Variants in SP100 observed in about 807,000 individuals in gnomAD.
The protein encoded by SP100 is nuclear autoantigen Sp-100.
SP100 carries 84 observed loss-of-function variants against 130.0 expected under a neutral mutation model. The observed-to-expected ratio is 0.65, with a 90% CI of 0.54 to 0.77. SP100 has a LOEUF of 0.77. SP100 is among the 30% of genes least tolerant of loss of function. The pLI is 0.00. For synonymous variants in SP100, 331 were observed against 351.7 expected, an observed-to-expected ratio of 0.94 and a Z score of 0.66; for missense variants, 978 against 1,052.2, an observed-to-expected ratio of 0.93 and a Z score of 0.97.
intron 2 of SP100, among the ~76,000 whole-genome samples, chr2:230,419,006 T>C (rs905999341): frequency 6.6e-6 from 1 of 152,222 alleles, no homozygotes; most frequent in Middle Eastern, 3.2e-3. Context: ...TGGACATCTT[T>C]ACATTCACGA....
chr2:230,465,745 G>A (rs2064911088), intron 11 of SP100, among the ~76,000 whole-genome samples: 1 of 152,060 alleles, frequency 6.6e-6, no homozygotes, highest in South Asian at 2.1e-4. Flanking sequence ...ACCTAAAATA[G>A]AAGTTGAAAA....
intron 24 of SP100, among the ~76,000 whole-genome samples, chr2:230,524,179 C>CAAAAAAAAAAAAAAAAAAA (rs71420292): frequency 1.3e-5 from 1 of 75,420 alleles, no homozygotes; most frequent in African/African-American, 5.4e-5. Context: ...ACTAAAAATA[C>CAAAAAAAAAAAAAAAAAAA]AAAAAAAAAA....
At chr2:230,474,469 C>G (rs540499862) in intron 17 of SP100, 22 bp downstream of exon 17, 3 of 1,134,150 alleles carry the variant, frequency 2.6e-6, no homozygotes, top group East Asian at 4.8e-5. Flanking sequence ...TAAGAATTTA[C>G]TTAATTTTTA....
chr2:230,533,349 C>T (rs970040793), intron 24 of SP100, among the ~76,000 whole-genome samples: 8 of 152,080 alleles, frequency 5.3e-5, no homozygotes, highest in South Asian at 2.1e-4. Context: ...TAGATATATG[C>T]GAGGAGTAAC....
At chr2:230,419,110 T>C (rs1266811932) in intron 2 of SP100, among the ~76,000 whole-genome samples, 1 of 152,256 alleles carries the variant, frequency 6.6e-6, no homozygotes, top group Non-Finnish European at 1.5e-5. Context: ...GTTTTGCCCT[T>C]CTGCTAGATT....
At chr2:230,473,619 C>T (rs1008794865) in intron 16 of SP100, among the ~76,000 whole-genome samples, 179 bp downstream of exon 16, 2 of 152,178 alleles carry the variant, frequency 1.3e-5, no homozygotes, top group African/African-American at 4.8e-5. Flanking sequence ...ATCATAGTCC[C>T]GGTTTCCTGC....
chr2:230,443,443 A>T (rs1233362213), intron 3 of SP100, among the ~76,000 whole-genome samples: 2 of 152,216 alleles, frequency 1.3e-5, no homozygotes, highest in African/African-American at 4.8e-5. Flanking sequence ...ACTAAAACTT[A>T]AAAATAATTT....
At chr2:230,525,797 G>A (rs1174761233) in intron 24 of SP100, among the ~76,000 whole-genome samples, 1 of 152,250 alleles carries the variant, frequency 6.6e-6, no homozygotes, top group Non-Finnish European at 1.5e-5. Context: ...CTCACTGCTA[G>A]CACATCAATC....
intron 17 of SP100, among the ~76,000 whole-genome samples, chr2:230,480,707 C>T (rs1227331087): frequency 6.6e-6 from 1 of 152,194 alleles, no homozygotes; most frequent in Non-Finnish European, 1.5e-5. Flanking sequence ...CTGAAAAGAT[C>T]TGTTTCCAAA....
chr2:230,525,838 G>C (rs186985038), intron 24 of SP100, among the ~76,000 whole-genome samples: 23 of 152,198 alleles, frequency 1.5e-4, no homozygotes, highest in Non-Finnish European at 2.5e-4. Context: ...GCAGATTGGT[G>C]GGGGGAGGGG....
intron 17 of SP100, 82 bp from the exon 18 acceptor site, chr2:230,494,334 G>T (rs907033955): frequency 3.7e-6 from 4 of 1,084,324 alleles, no homozygotes; most frequent in Non-Finnish European, 2.8e-6. Context: ...AAAATTCAAT[G>T]CTTGTAAACT....
At chr2:230,533,574 T>C (rs994203713) in intron 24 of SP100, among the ~76,000 whole-genome samples, 1 of 152,212 alleles carries the variant, frequency 6.6e-6, no homozygotes, top group Non-Finnish European at 1.5e-5. Flanking sequence ...TTACCCTAGT[T>C]TAAGCCTCAT....
chr2:230,473,213 G>C (rs1360065039), intron 15 of SP100, 111 bp from the exon 16 acceptor site: 1 of 683,346 alleles, frequency 1.5e-6, no homozygotes, highest in African/African-American at 1.8e-5. Context: ...CAGATGTAGA[G>C]CCCATCCCTT....
At chr2:230,436,943 C>T (rs893358628) in intron 2 of SP100, among the ~76,000 whole-genome samples, 10 of 138,198 alleles carry the variant, frequency 7.2e-5, no homozygotes, top group African/African-American at 2.2e-4. Context: ...TACACACACG[C>T]ATATATGTGT....
chr2:230,532,840 T>C (rs1316835383), intron 24 of SP100, among the ~76,000 whole-genome samples: 1 of 152,132 alleles, frequency 6.6e-6, no homozygotes, highest in Admixed American at 6.5e-5. Flanking sequence ...GAGTGCAGTG[T>C]CGCGATCTTG....
chr2:230,431,161 T>C (rs2063088291), intron 2 of SP100, among the ~76,000 whole-genome samples: 1 of 152,252 alleles, frequency 6.6e-6, no homozygotes, highest in Non-Finnish European at 1.5e-5. Flanking sequence ...AGTACCAGCA[T>C]GACAATCTCT....
At chr2:230,444,371 T>C (rs754420198) in intron 4 of SP100, 25 bp downstream of exon 4, 1 of 1,597,920 alleles carries the variant, frequency 6.3e-7, no homozygotes, top group South Asian at 1.1e-5. Flanking sequence ...TATCTACCTT[T>C]TTATTTCCAG....
At position 230,494,877 on chromosome 2, in the gene SP100, G is replaced by A. The variant is rs142142740; in HGVS notation, c.1645+417G>A. Among the ~76,000 whole-genome samples, 234 of 152,360 alleles carry A rather than the reference G, an allele frequency of 1.5e-3. 3 individuals carry two copies. Among genetic ancestry groups the A allele is most frequent in the African/African-American group, 5.3e-3 (221 of 41,588 alleles). On this transcript the variant is annotated intron_variant, in intron 18 of 28. Coordinates refer to ENST00000340126, the MANE Select transcript of SP100 (RefSeq NM_001080391.2). ...TCACACAGCCAGAGCTAGCTGCAAA[G>A]CGAGGCTGAGAAATATAACGCTGGC...
At chr2:230,465,027 G>C (rs890824031) in intron 11 of SP100, among the ~76,000 whole-genome samples, 24 of 152,268 alleles carry the variant, frequency 1.6e-4, no homozygotes, top group Middle Eastern at 6.8e-3. Context: ...GATGAGATTA[G>C]GAGTTCGAGA....
Sources: gnomAD v4.1 joint callset for allele counts (sites outside exome capture counted in the v4.1 genomes callset) on GRCh38, gnomAD v4.1.1 for gene constraint, MANE v1.5 for transcripts, NCBI Gene and HGNC (gene_info 2026-07-23, HGNC 2026-07-21) for gene names.